CSMD1: variants seen among roughly 807,000 people sequenced by gnomAD.
The protein encoded by CSMD1 is CUB and sushi domain-containing protein 1.
A neutral mutation model predicts 417.5 loss-of-function variants in CSMD1; 213 were observed. The observed-to-expected ratio is 0.51, with a 90% CI of 0.46 to 0.57. CSMD1 has a LOEUF of 0.57. Ranked by LOEUF, CSMD1 falls within the 20% of genes least tolerant of loss-of-function variation. The pLI, the probability that CSMD1 is intolerant of heterozygous loss-of-function variation, is 0.00. For synonymous variants in CSMD1, 2,862 were observed against 1,736.8 expected (o/e 1.65, Z -16.11); for missense variants, 6,923 against 4,529.7 (o/e 1.53, Z -15.17).
At chr8:3,565,971 C>A (rs62475836) in intron 10 of CSMD1, among the ~76,000 whole-genome samples, 30,831 of 152,166 alleles carry the variant, frequency 0.2, 3,273 homozygotes, top group Admixed American at 0.24. Flanking sequence ...ATTCTCATGC[C>A]ATTCCTTTCA....
intron 7 of CSMD1, among the ~76,000 whole-genome samples, chr8:3,649,732 T>G (rs1056709137): frequency 2.6e-5 from 4 of 152,100 alleles, no homozygotes; most frequent in African/African-American, 9.7e-5. Context: ...GAGATTTGAG[T>G]GGGGACACAA....
intron 6 of CSMD1, among the ~76,000 whole-genome samples, chr8:3,712,547 T>C (rs1490011041): frequency 3.9e-5 from 6 of 152,064 alleles, no homozygotes; most frequent in Non-Finnish European, 5.9e-5. Flanking sequence ...AACTATTGAG[T>C]CATTCATTCT....
chr8:3,096,919 G>C lies in CSMD1; in HGVS notation c.7068C>G (p.Asn2356Lys), dbSNP rs989039571. 1 of 1,556,824 alleles carries C rather than the reference G, an allele frequency of 6.4e-7. No individual in the cohort carries two copies. The highest frequency in any genetic ancestry group is 1.4e-5 in the African/African-American group (1 of 73,546). Residue 2356 changes from asparagine (N) to lysine (K), a missense_variant, in exon 47 of 70, where the codon AAC becomes AAG. Coordinates refer to ENST00000635120, the MANE Select transcript of CSMD1 (RefSeq NM_033225.6). The stretch of plus-strand genomic sequence containing the variant: ...TGTCCACAAAGATGGTAATGTTGTA[G>C]TTTGGTTCCACTTTAATACTCCAAG... The part of the protein sequence containing the change: ...TCSWSIKVEP[N>K]YNITIFVDTF...
At chr8:3,505,646 T>C (rs1331859009) in intron 10 of CSMD1, among the ~76,000 whole-genome samples, 1 of 152,214 alleles carries the variant, frequency 6.6e-6, no homozygotes, top group Non-Finnish European at 1.5e-5. Flanking sequence ...AAATCAAAGT[T>C]AGTTTTGTCT....
chr8:3,542,900 G>A lies in CSMD1; in HGVS notation c.1344+32045C>T, dbSNP rs76628301. Among the ~76,000 whole-genome samples, 1,059 of 152,272 alleles carry A rather than the reference G, an allele frequency of 7.0e-3. 20 individuals are homozygous for A. The highest frequency in any genetic ancestry group is 0.068 in the East Asian group (352 of 5,152). ...CTACGGTGCAAGTGGGGCTCATGCG[G>A]TGGAGACACCGTCCTCCCCAGGCAG... is the stretch of plus-strand genomic sequence containing the variant. On this transcript the variant is annotated intron_variant, in intron 10 of 69. Transcript: ENST00000635120.
intron 29 of CSMD1, 89 bp from the exon 30 acceptor site, chr8:3,214,780 T>A (rs1797795815): frequency 2.0e-6 from 2 of 981,782 alleles, no homozygotes; most frequent in African/African-American, 3.3e-5. Flanking sequence ...TTTAATTGTG[T>A]TATTTAGGGC....
intron 2 of CSMD1, among the ~76,000 whole-genome samples, chr8:4,460,767 G>T (rs1039590910): frequency 2.0e-5 from 3 of 151,576 alleles, no homozygotes; most frequent in Admixed American, 6.6e-5. Context: ...TAGACCTCAA[G>T]TAAAGGTAGT....
At chr8:4,912,138 A>AAG (rs1554518079) in intron 1 of CSMD1, among the ~76,000 whole-genome samples, 1,413 of 131,332 alleles carry the variant, frequency 0.011, 10 homozygotes, top group African/African-American at 0.022. Flanking sequence ...AAAAAAAAAA[A>AAG]AAAGAAAGAA....
intron 12 of CSMD1, among the ~76,000 whole-genome samples, chr8:3,462,976 G>T (rs978412725): frequency 6.6e-6 from 1 of 152,162 alleles, no homozygotes; most frequent in Non-Finnish European, 1.5e-5. Flanking sequence ...CAGGCTTGTG[G>T]CCTTGCGCTG....
intron 27 of CSMD1, among the ~76,000 whole-genome samples, chr8:3,225,551 A>G (rs985050805): frequency 6.6e-6 from 1 of 152,164 alleles, no homozygotes; most frequent in Non-Finnish European, 1.5e-5. Context: ...GAAAGAAGGT[A>G]CCTGAAGGTC....
chr8:3,427,179 G>T (rs1242790764), intron 12 of CSMD1, among the ~76,000 whole-genome samples: 1 of 152,120 alleles, frequency 6.6e-6, no homozygotes, highest in African/African-American at 2.4e-5. Flanking sequence ...GAGATTTTGG[G>T]TGCAGACTCA....
rs59044328 is a variant in CSMD1, at chr8:4,038,910, G to A, written c.416-6811C>T. 8.4e-3 allele frequency among the ~76,000 whole-genome samples: 1,284 copies of A among 152,184 alleles called. 20 individuals are homozygous for A. Among genetic ancestry groups the A allele is most frequent in the African/African-American group, 0.029 (1,219 of 41,502 alleles). ...AAATATGCACACGAAAATTCCCTCCGTAACACTTAATTTGGCAAGTACATA... is the reference window on the plus strand; with the variant it reads ...AAATATGCACACGAAAATTCCCTCCATAACACTTAATTTGGCAAGTACATA... On this transcript the variant is annotated intron_variant, in intron 3 of 69. Coordinates refer to ENST00000635120, the MANE Select transcript of CSMD1 (RefSeq NM_033225.6).
At chr8:3,314,239 T>TAA (rs938972584) in intron 23 of CSMD1, among the ~76,000 whole-genome samples, 66 of 151,770 alleles carry the variant, frequency 4.3e-4, no homozygotes, top group African/African-American at 1.5e-3. Flanking sequence ...CCCTAAAACT[T>TAA]AAAGTATAAT....
In CSMD1 at chr8:3,184,799, T is replaced by G. The variant is rs1377224530; in HGVS notation, c.5620+3070A>C. Among the ~76,000 whole-genome samples, 4 of 152,318 alleles carry G rather than the reference T, an allele frequency of 2.6e-5. No homozygotes were observed. In the East Asian group the frequency reaches 7.7e-4, roughly 29 times the overall value. ...CAATAGTCTCAGACTTTTGAGTCCT[T>G]GACTCCTTACTTCACATAAGCTCAT... is the stretch of plus-strand genomic sequence containing the variant. On this transcript the variant is annotated intron_variant, in intron 36 of 69. Transcript: ENST00000635120.
At chr8:2,949,652 A>G (rs1003240404) in intron 67 of CSMD1, among the ~76,000 whole-genome samples, 2 of 142,888 alleles carry the variant, frequency 1.4e-5, no homozygotes, top group African/African-American at 4.9e-5. Flanking sequence ...CAATATATCC[A>G]TATGTTAACT....
At chr8:4,545,098 T>C (rs1208365919) in intron 2 of CSMD1, among the ~76,000 whole-genome samples, 1 of 152,250 alleles carries the variant, frequency 6.6e-6, no homozygotes, top group Non-Finnish European at 1.5e-5. Flanking sequence ...AAAGGCATGT[T>C]AAGAGGGGAC....
intron 3 of CSMD1, among the ~76,000 whole-genome samples, chr8:4,194,268 T>C (rs1799203427): frequency 6.6e-6 from 1 of 152,162 alleles, no homozygotes; most frequent in Non-Finnish European, 1.5e-5. Context: ...AATTTAGAAA[T>C]TATAATGAAG....
chr8:4,199,006 A>C (rs1799498102), intron 3 of CSMD1, among the ~76,000 whole-genome samples: 1 of 152,072 alleles, frequency 6.6e-6, no homozygotes, highest in Non-Finnish European at 1.5e-5. Context: ...GCAAATGAGC[A>C]AAGTTCACTT....
intron 50 of CSMD1, among the ~76,000 whole-genome samples, chr8:3,050,788 T>A (rs924795672): frequency 6.6e-6 from 1 of 152,244 alleles, no homozygotes; most frequent in Non-Finnish European, 1.5e-5. Flanking sequence ...TCTATTTATA[T>A]CTAAGTATAT....
Sources: allele counts gnomAD v4.1 joint callset (sites outside exome capture counted in the v4.1 genomes callset), GRCh38; gene constraint gnomAD v4.1.1; transcripts MANE v1.5; gene names NCBI Gene and HGNC (gene_info 2026-07-23, HGNC 2026-07-21).